MEGF10: variants seen among roughly 807,000 people sequenced by gnomAD.
MEGF10 encodes multiple EGF like domains 10.
In MEGF10, 86 loss-of-function variants were observed where a neutral mutation model predicts 147.5. That is an observed-to-expected ratio of 0.58 (90% CI 0.49 to 0.70). The LOEUF is 0.70. Ranked by LOEUF, MEGF10 falls within the 30% of genes least tolerant of loss-of-function variation. MEGF10 has a pLI of 0.00. For synonymous variants in MEGF10, 478 were observed against 525.5 expected, an observed-to-expected ratio of 0.91 and a Z score of 1.24; for missense variants, 1,329 against 1,487.3, an observed-to-expected ratio of 0.89 and a Z score of 1.75.
intron 1 of MEGF10, among the ~76,000 whole-genome samples, chr5:127,312,832 A>C (rs1349962507): frequency 6.6e-6 from 1 of 152,172 alleles, no homozygotes; most frequent in African/African-American, 2.4e-5. Context: ...TATAGCTTTC[A>C]ATCTTAGAAA....
the MEGF10 span, among the ~76,000 whole-genome samples, chr5:127,238,029 C>CTA: frequency 0.015 from 2,109 of 138,818 alleles, 19 homozygotes; most frequent in Middle Eastern, 0.033. Flanking sequence ...AAACTTCAGA[C>CTA]TATATATATA....
At chr5:127,390,889 G>T (rs1431625115) in intron 5 of MEGF10, among the ~76,000 whole-genome samples, 1 of 152,092 alleles carries the variant, frequency 6.6e-6, no homozygotes, top group African/African-American at 2.4e-5. Context: ...CTTTGAGCAA[G>T]TCACCTGGAT....
At chr5:127,239,484 TACAC>T in the MEGF10 span, among the ~76,000 whole-genome samples, 50 of 145,010 alleles carry the variant, frequency 3.4e-4, 1 homozygote, top group Non-Finnish European at 6.2e-4. Flanking sequence ...ATAATATATA[TACAC>T]ACACACACAC....
chr5:127,365,085 T>C (rs1402167436), intron 4 of MEGF10, among the ~76,000 whole-genome samples: 2 of 152,216 alleles, frequency 1.3e-5, no homozygotes, highest in Non-Finnish European at 2.9e-5. Context: ...AAAATAAGAT[T>C]TGTGACTTAC....
At chr5:127,354,113 CG>C (rs976423365) in intron 4 of MEGF10, among the ~76,000 whole-genome samples, 6 of 152,146 alleles carry the variant, frequency 3.9e-5, no homozygotes, top group Non-Finnish European at 5.9e-5. Flanking sequence ...AAAACTGAAC[CG>C]GCTGTGGGCA....
chr5:127,422,759 C>T lies in MEGF10; in HGVS notation c.1680C>T (p.Leu560=). The T allele has an allele frequency of 6.2e-7, 1 of 1,613,884 alleles. No individual in the cohort carries two copies. Among genetic ancestry groups the T allele is most frequent in the Non-Finnish European group, 8.5e-7 (1 of 1,179,854 alleles). Reference sequence around the variant, plus strand: ...CTACCACGGGCCATTGCCGCTGCCTCCCCGGATGGTCAGGTGAGAGCCAAG... The same window carrying T: ...CTACCACGGGCCATTGCCGCTGCCTTCCCGGATGGTCAGGTGAGAGCCAAG... The part of the protein sequence containing the change: ...CHPTTGHCRC[L]PGWSGVHCDS... Residue 560 remains leucine (L), a synonymous_variant, in exon 13 of 25, where the codon CTC becomes CTT. Coordinates refer to ENST00000503335, the MANE Select transcript of MEGF10 (RefSeq NM_001256545.2).
chr5:127,346,468 G>A (rs1373255734), intron 4 of MEGF10, among the ~76,000 whole-genome samples: 1 of 152,092 alleles, frequency 6.6e-6, no homozygotes, highest in Non-Finnish European at 1.5e-5. Context: ...GTGCTGTTGA[G>A]CATTTTTTCA....
the MEGF10 span, among the ~76,000 whole-genome samples, chr5:127,274,000 G>C: frequency 1.3e-5 from 2 of 152,274 alleles, no homozygotes; most frequent in East Asian, 1.9e-4. Flanking sequence ...CATAGATATA[G>C]AGCATTTCCA....
At chr5:127,303,452 A>C (rs1759870256) in intron 1 of MEGF10, among the ~76,000 whole-genome samples, 1 of 152,160 alleles carries the variant, frequency 6.6e-6, no homozygotes, top group African/African-American at 2.4e-5. Context: ...GTAGATAGCA[A>C]AGGCTTATCA....
upstream of MEGF10, among the ~76,000 whole-genome samples, chr5:127,289,179 T>C (rs1759127502): frequency 6.6e-6 from 1 of 152,202 alleles, no homozygotes; most frequent in African/African-American, 2.4e-5. Flanking sequence ...TATTCAAAAC[T>C]CATGAAGCTG....
At position 127,396,602 on chromosome 5, in the gene MEGF10, C is replaced by G; in HGVS notation, c.483C>G (p.Asn161Lys). 6.2e-7 allele frequency: 1 copy of G among 1,612,340 alleles called. No individual in the cohort carries two copies. Among genetic ancestry groups the G allele is most frequent in the Non-Finnish European group, 8.5e-7 (1 of 1,179,036 alleles). ...AGTGCAAAAATGGGGCTCTGTGCAACCCCATCACCGGGGCTTGCCACTGTG... is the reference window on the plus strand; with the variant it reads ...AGTGCAAAAATGGGGCTCTGTGCAAGCCCATCACCGGGGCTTGCCACTGTG... ...RCQCKNGALC[N>K]PITGACHCAA... is the part of the protein sequence containing the mutation. The change falls in exon 6 of 25, where the codon AAC becomes AAG. Residue 161 changes from asparagine (N) to lysine (K), a missense_variant. By Grantham distance (94) the Asn-to-Lys change is moderately conservative. Transcript: ENST00000503335.
At chr5:127,360,520 A>G (rs780311761) in intron 4 of MEGF10, among the ~76,000 whole-genome samples, 7 of 151,902 alleles carry the variant, frequency 4.6e-5, no homozygotes, top group Non-Finnish European at 8.8e-5. Context: ...TATCATGCTG[A>G]ATAGAAATTG....
intron 5 of MEGF10, among the ~76,000 whole-genome samples, chr5:127,371,315 T>C (rs1027626090): frequency 1.3e-5 from 2 of 151,624 alleles, no homozygotes; most frequent in Admixed American, 1.3e-4. Context: ...TTTGCTTCTG[T>C]TGGAAATCAG....
At chr5:127,346,020 A>G (rs1337496530) in intron 4 of MEGF10, among the ~76,000 whole-genome samples, 1 of 152,128 alleles carries the variant, frequency 6.6e-6, no homozygotes, top group East Asian at 1.9e-4. Flanking sequence ...TGCAAATGTC[A>G]TTATTTAATT....
rs755316139 is a variant in MEGF10, at chr5:127,433,387, C to G, written c.1718C>G (p.Ala573Gly). The G allele has an allele frequency of 6.2e-7, 1 of 1,614,206 alleles. No homozygotes were observed. Among genetic ancestry groups the G allele is most frequent in the South Asian group, 1.1e-5 (1 of 91,080 alleles). ...WSGVHCDSVC[A>G]EGRWGPNCSL... ...GGTGTCCACTGTGACAGCGTGTGTG[C>G]TGAGGGACGCTGGGGCCCCAACTGC... is the stretch of plus-strand genomic sequence containing the variant. The change falls in exon 14 of 25, where the codon GCT (alanine) becomes GGT (glycine). Residue 573 changes from alanine to glycine, a missense_variant. By Grantham distance (60) the Ala-to-Gly change is moderately conservative. Transcript: ENST00000503335.
the MEGF10 span, among the ~76,000 whole-genome samples, chr5:127,271,298 C>T: frequency 2.6e-5 from 4 of 152,124 alleles, no homozygotes; most frequent in African/African-American, 9.7e-5. Flanking sequence ...ATTTGCATTT[C>T]TCTAATGATC....
At chr5:127,362,482 G>A (rs1348023308) in intron 4 of MEGF10, among the ~76,000 whole-genome samples, 1 of 151,366 alleles carries the variant, frequency 6.6e-6, no homozygotes, top group Non-Finnish European at 1.5e-5. Flanking sequence ...CCATTCTCCT[G>A]CCTCCCGAGT....
chr5:127,412,212 G>A (rs1020872805), intron 9 of MEGF10, among the ~76,000 whole-genome samples: 2 of 152,070 alleles, frequency 1.3e-5, no homozygotes, highest in African/African-American at 2.4e-5. Flanking sequence ...CAAATAATCC[G>A]AATATTTTAA....
chr5:127,379,247 C>T (rs1278348519), intron 5 of MEGF10, among the ~76,000 whole-genome samples: 2 of 152,146 alleles, frequency 1.3e-5, no homozygotes, highest in Admixed American at 1.3e-4. Flanking sequence ...TTCCCTGCTT[C>T]TTCCTCAGAT....
Sources: gnomAD v4.1 joint callset for allele counts (sites outside exome capture counted in the v4.1 genomes callset) on GRCh38, gnomAD v4.1.1 for gene constraint, MANE v1.5 for transcripts, NCBI Gene and HGNC (gene_info 2026-07-23, HGNC 2026-07-21) for gene names.